Variants in P2RX7 observed in about 807,000 individuals in gnomAD.
P2RX7 encodes P2X purinoceptor 7.
A neutral mutation model predicts 71.6 loss-of-function variants in P2RX7; 62 were observed. The observed-to-expected ratio is 0.87, with a 90% CI of 0.71 to 1.07. P2RX7 has a LOEUF of 1.07. Ranked by LOEUF, P2RX7 falls within the 50% of genes least tolerant of loss-of-function variation. P2RX7 has a pLI of 0.00. For synonymous variants in P2RX7, 299 were observed against 283.3 expected, an observed-to-expected ratio of 1.06 and a Z score of -0.56; for missense variants, 686 against 748.5, an observed-to-expected ratio of 0.92 and a Z score of 0.97.
chr12:121,142,954 A>C (rs1875299417), intron 1 of P2RX7, among the ~76,000 whole-genome samples: 1 of 151,220 alleles, frequency 6.6e-6, no homozygotes, highest in Non-Finnish European at 1.5e-5. Flanking sequence ...CTGGGCGCGC[A>C]CCTGTAGTCC....
intron 5 of P2RX7, among the ~76,000 whole-genome samples, chr12:121,164,738 C>T (rs1262953976): frequency 2.6e-5 from 4 of 151,978 alleles, no homozygotes; most frequent in Non-Finnish European, 5.9e-5. Flanking sequence ...CCCAAGATCG[C>T]GCCACTGCAC....
chr12:121,174,511 ACC>A (rs1287415417), intron 8 of P2RX7, among the ~76,000 whole-genome samples: 2 of 151,682 alleles, frequency 1.3e-5, no homozygotes, highest in Non-Finnish European at 2.9e-5. Context: ...ACAGAACAAG[ACC>A]CCACCTCAAA....
Position 121,162,413 on chromosome 12 carries a change from G to A in P2RX7, c.437-11G>A, listed in dbSNP as rs1879917883. ...CACATCTGTGGTTCTACGATGCTTT[G>A]ACCCCTATAGGAATTCAGACCGGAA... On this transcript the variant is annotated splice_polypyrimidine_tract_variant and intron_variant, in intron 4 of 12. Transcript: ENST00000328963. 1.2e-6 allele frequency: 2 copies of A among 1,613,548 alleles called. No individual in the cohort carries two copies. The highest frequency in any genetic ancestry group is 1.7e-5 in the Admixed American group (1 of 59,980).
intron 1 of P2RX7, among the ~76,000 whole-genome samples, chr12:121,139,752 T>TTTTTTTTTTTTA (rs1874445782): frequency 1.5e-5 from 2 of 135,350 alleles, no homozygotes; most frequent in African/African-American, 5.6e-5. Context: ...TTTTTTTTTT[T>TTTTTTTTTTTTA]GAGACAGAGT....
intron 1 of P2RX7, among the ~76,000 whole-genome samples, chr12:121,136,117 ATATTTATATG>A (rs1449741902): frequency 2.1e-5 from 3 of 143,010 alleles, no homozygotes; most frequent in Non-Finnish European, 1.5e-5. Flanking sequence ...ATATTTATAT[ATATTTATATG>A]TATTTTATAT....
At chr12:121,162,168 A>G in intron 4 of P2RX7, 1 of 1,176,974 alleles carries the variant, frequency 8.5e-7, no homozygotes, top group Non-Finnish European at 1.1e-6. Context: ...ACCTTTTCTT[A>G]TAAAGAAACA....
intron 12 of P2RX7, among the ~76,000 whole-genome samples, chr12:121,183,270 T>C (rs2136172649): frequency 6.6e-6 from 1 of 152,142 alleles, no homozygotes; most frequent in South Asian, 2.1e-4. Context: ...TTAAATATTT[T>C]TGTTAAAAAC....
chr12:121,185,806 A>C lies in P2RX7; in HGVS notation c.*1004A>C, dbSNP rs1301874251. 1.3e-5 allele frequency: 2 copies of C among 152,198 alleles called. No homozygotes were observed. The highest frequency in any genetic ancestry group is 4.8e-5 in the African/African-American group (2 of 41,428). The allele number at this position is 152,198 out of a possible 1,614,324, so 9.4% of individuals were successfully genotyped here. ...TGTGGTGGCTCACACCTGTAATCCCAGCACTTTGGGAGACCAAGGCGGGCG... is the reference window on the plus strand; with the variant it reads ...TGTGGTGGCTCACACCTGTAATCCCCGCACTTTGGGAGACCAAGGCGGGCG... On this transcript the variant is annotated 3_prime_UTR_variant, in exon 13 of 13. Transcript: ENST00000328963.
intron 7 of P2RX7, among the ~76,000 whole-genome samples, chr12:121,166,942 C>T (rs1881170786): frequency 6.6e-6 from 1 of 150,534 alleles, no homozygotes; most frequent in South Asian, 2.1e-4. Context: ...ATCCCAGCTA[C>T]TCGGGAGGCT....
intron 1 of P2RX7, among the ~76,000 whole-genome samples, chr12:121,145,029 A>C (rs1329828400): frequency 6.6e-6 from 1 of 152,174 alleles, no homozygotes; most frequent in Non-Finnish European, 1.5e-5. Flanking sequence ...GGATATACGA[A>C]TCTGCAGCTG....
intron 5 of P2RX7, among the ~76,000 whole-genome samples, chr12:121,163,986 G>C (rs569462404): frequency 4.6e-5 from 7 of 151,714 alleles, no homozygotes; most frequent in African/African-American, 1.7e-4. Context: ...ATCGCTAATA[G>C]CTCCACTCAG....
Position 121,184,790 on chromosome 12 carries a change from G to T in P2RX7, c.1776G>T (p.Lys592Asn). 3 of 1,542,480 alleles carry T rather than the reference G, an allele frequency of 1.9e-6. No homozygotes were observed. Among genetic ancestry groups the T allele is most frequent in the Non-Finnish European group, 2.6e-6 (3 of 1,140,702 alleles). The change falls in exon 13 of 13, where the codon AAG becomes AAT. Residue 592 changes from lysine to asparagine, a missense_variant. By Grantham distance (94) the Lys-to-Asn change is moderately conservative. Transcript: ENST00000328963. ...PKSEGQYSGF[K>N]SPY ...GTGAAGGGCAGTACAGTGGCTTCAAGAGTCCTTACTGAAGCCAGGCACCGT... is the reference window on the plus strand; with the variant it reads ...GTGAAGGGCAGTACAGTGGCTTCAATAGTCCTTACTGAAGCCAGGCACCGT...
chr12:121,148,678 G>A (rs932699483), intron 1 of P2RX7, among the ~76,000 whole-genome samples: 10 of 152,118 alleles, frequency 6.6e-5, no homozygotes, highest in Non-Finnish European at 1.0e-4. Flanking sequence ...TAATACAATC[G>A]GGATTAAACT....
chr12:121,172,314 G>A (rs771023996), intron 8 of P2RX7, among the ~76,000 whole-genome samples: 1 of 152,196 alleles, frequency 6.6e-6, no homozygotes, highest in South Asian at 2.1e-4. Context: ...CAGTGGCAAT[G>A]CATGCTTGCT....
intron 11 of P2RX7, 113 bp from the exon 12 acceptor site, chr12:121,180,241 A>G (rs761907443): frequency 5.8e-5 from 27 of 463,462 alleles, no homozygotes; most frequent in Non-Finnish European, 9.3e-5. Context: ...GTTTTGAGCC[A>G]GCTTGTTCAA....
At chr12:121,159,425 A>G (rs1879200612) in intron 3 of P2RX7, among the ~76,000 whole-genome samples, 1 of 151,036 alleles carries the variant, frequency 6.6e-6, no homozygotes, top group African/African-American at 2.4e-5. Flanking sequence ...TCCAAAAAAA[A>G]AAAAAAAAAA....
At position 121,177,314 on chromosome 12, in the gene P2RX7, C is replaced by T. The variant is rs778272596; in HGVS notation, c.1056C>T (p.Asp352=). ...CTCCCCAGGCCGCTGTGTTCATCGACTTCCTCATCGACACTTACTCCAGTA... is the reference window on the plus strand; with the variant it reads ...CTCCCCAGGCCGCTGTGTTCATCGATTTCCTCATCGACACTTACTCCAGTA... The part of the protein sequence containing the change: ...SYFGLAAVFI[D]FLIDTYSSNC... Residue 352 remains aspartate, a synonymous_variant, in exon 11 of 13, where the codon GAC becomes GAT. Transcript: ENST00000328963. 2.0e-5 allele frequency: 33 copies of T among 1,614,094 alleles called. No individual in the cohort carries two copies. The East Asian group carries it at 6.9e-4, about 34-fold the overall frequency.
intron 1 of P2RX7, among the ~76,000 whole-genome samples, chr12:121,152,201 G>A (rs1241459362): frequency 6.6e-6 from 1 of 152,118 alleles, no homozygotes; most frequent in East Asian, 1.9e-4. Context: ...TGCTGGTCCT[G>A]AACTCCTAAT....
At position 121,170,049 on chromosome 12, in the gene P2RX7, T is replaced by C. The variant is rs1052891546; in HGVS notation, c.881+2425T>C. Among the ~76,000 whole-genome samples the C allele has an allele frequency of 2.0e-5, 3 of 152,186 alleles. No individual in the cohort carries two copies. The East Asian group carries it at 5.8e-4, about 29-fold the overall frequency. Reference sequence around the variant, plus strand: ...TCATTTCTGTCATCTGCCTGGCCCCTGTGTAGACGTTTGAGTTTGAAACCC... The same window carrying C: ...TCATTTCTGTCATCTGCCTGGCCCCCGTGTAGACGTTTGAGTTTGAAACCC... On this transcript the variant is annotated intron_variant, in intron 8 of 12. Coordinates refer to ENST00000328963, the MANE Select transcript of P2RX7 (RefSeq NM_002562.6).
Sources: gnomAD v4.1 joint callset for allele counts (sites outside exome capture counted in the v4.1 genomes callset) on GRCh38, gnomAD v4.1.1 for gene constraint, MANE v1.5 for transcripts, NCBI Gene and HGNC (gene_info 2026-07-23, HGNC 2026-07-21) for gene names.